GRIK1: variants seen among roughly 807,000 people sequenced by gnomAD.
The protein encoded by GRIK1 is glutamate receptor ionotropic, kainate 1.
Under a neutral mutation model 105.7 loss-of-function variants are expected in GRIK1, and 69 were observed. The observed-to-expected ratio is 0.65, with a 90% CI of 0.54 to 0.80. The LOEUF (loss-of-function observed/expected upper bound fraction) is 0.80. Ranked by LOEUF, GRIK1 falls within the 30% of genes least tolerant of loss-of-function variation. The pLI, the probability that GRIK1 is intolerant of heterozygous loss-of-function variation, is 0.00. For missense variants in GRIK1, 1,109 were observed against 1,167.3 expected (o/e 0.95, Z 0.73); for synonymous variants, 438 against 431.3 (o/e 1.02, Z -0.19).
In GRIK1 at chr21:29,898,188, A is replaced by T. The variant is rs557425319; in HGVS notation, c.118+41195T>A. 2.0e-5 allele frequency among the ~76,000 whole-genome samples: 3 copies of T among 152,326 alleles called. No individual in the cohort carries two copies. The South Asian group carries it at 6.2e-4, about 32-fold the overall frequency. On this transcript the variant is annotated intron_variant, in intron 1 of 17. Transcript: ENST00000327783. Reference sequence around the variant, plus strand: ...TAAAGACCTAATTATACTTTAAATTACTTGTTTCTGCAGCAGATACCTTTA... The same window carrying T: ...TAAAGACCTAATTATACTTTAAATTTCTTGTTTCTGCAGCAGATACCTTTA...
Position 29,918,517 on chromosome 21 carries a change from G to A in GRIK1, c.118+20866C>T, listed in dbSNP as rs376681645. Among the ~76,000 whole-genome samples the A allele has an allele frequency of 1.5e-4, 23 of 152,114 alleles. No individual in the cohort carries two copies. In the East Asian group the frequency reaches 1.9e-3, roughly 13 times the overall value. On this transcript the variant is annotated intron_variant, in intron 1 of 17. Transcript: ENST00000327783. ...CTCTTGAATATTTCAATATTCACCA[G>A]TATATGTTATATCTCCTTTATCTAA...
At chr21:29,672,534 T>C (rs1051281320) in intron 4 of GRIK1, among the ~76,000 whole-genome samples, 1 of 152,248 alleles carries the variant, frequency 6.6e-6, no homozygotes, top group Non-Finnish European at 1.5e-5. Flanking sequence ...TAACTGTCCC[T>C]GTATACCTTT....
intron 3 of GRIK1, among the ~76,000 whole-genome samples, chr21:29,686,382 G>C (rs928079692): frequency 2.0e-5 from 3 of 152,152 alleles, no homozygotes; most frequent in Admixed American, 6.5e-5. Flanking sequence ...GGACTGACAC[G>C]TATTGATGAG....
rs1456405462 is a variant in GRIK1 at position 29,716,252 on chromosome 21, A to T, written c.119-22189T>A. Reference sequence around the variant, plus strand: ...TCAGGTATTTCTTCATGGCAGCATGAGAATGAATTAATGCAGTAAACTTGT... The same window carrying T: ...TCAGGTATTTCTTCATGGCAGCATGTGAATGAATTAATGCAGTAAACTTGT... On this transcript the variant is annotated intron_variant, in intron 1 of 17. Transcript: ENST00000327783. 2.0e-5 allele frequency among the ~76,000 whole-genome samples: 3 copies of T among 152,176 alleles called. No individual in the cohort carries two copies. The East Asian group carries it at 5.8e-4, about 29-fold the overall frequency.
chr21:29,883,903 C>T (rs967294798), intron 1 of GRIK1, among the ~76,000 whole-genome samples: 3 of 152,028 alleles, frequency 2.0e-5, no homozygotes, highest in Admixed American at 2.0e-4. Context: ...GAAAACCAAT[C>T]AAAGAAAACC....
chr21:29,719,312 G>T (rs1245836332), intron 1 of GRIK1, among the ~76,000 whole-genome samples: 4 of 151,312 alleles, frequency 2.6e-5, no homozygotes, highest in Non-Finnish European at 5.9e-5. Flanking sequence ...TCTATCTTCA[G>T]CTATCACCCA....
intron 1 of GRIK1, among the ~76,000 whole-genome samples, chr21:29,768,868 AG>A (rs1282350994): frequency 2.0e-5 from 3 of 152,214 alleles, no homozygotes; most frequent in Non-Finnish European, 4.4e-5. Flanking sequence ...TTCACACTCA[AG>A]TCAAATATAA....
chr21:29,548,334 A>G (rs1029898187), intron 16 of GRIK1, among the ~76,000 whole-genome samples: 6 of 152,250 alleles, frequency 3.9e-5, no homozygotes, highest in African/African-American at 1.4e-4. Context: ...AAATTCTTAG[A>G]AAATTTGATT....
intron 8 of GRIK1, 125 bp downstream of exon 8, chr21:29,598,705 A>G (rs1044149944): frequency 9.4e-6 from 5 of 530,406 alleles, no homozygotes; most frequent in South Asian, 3.1e-5. Flanking sequence ...GAGATAAAAA[A>G]CTGGATGTAA....
intron 1 of GRIK1, among the ~76,000 whole-genome samples, chr21:29,870,580 A>G (rs2068973563): frequency 6.6e-6 from 1 of 151,900 alleles, no homozygotes; most frequent in Admixed American, 6.6e-5. Context: ...AAAATACGCC[A>G]TTTCATTGTA....
chr21:29,716,441 A>G (rs2064179519), intron 1 of GRIK1, among the ~76,000 whole-genome samples: 1 of 152,140 alleles, frequency 6.6e-6, no homozygotes, highest in Admixed American at 6.5e-5. Flanking sequence ...CAGAGACAGG[A>G]GGATGTGGGA....
chr21:29,589,106 C>A, intron 10 of GRIK1, 64 bp from the exon 11 acceptor site: 1 of 872,558 alleles, frequency 1.1e-6, no homozygotes, highest in Non-Finnish European at 1.9e-6. Context: ...ACCCTATCAG[C>A]AGCTTGAAGA....
intron 1 of GRIK1, among the ~76,000 whole-genome samples, chr21:29,929,309 G>T (rs200727656): frequency 3.9e-5 from 6 of 152,130 alleles, no homozygotes; most frequent in Admixed American, 3.3e-4. Context: ...TAATAATCGA[G>T]AATCTACAAA....
At chr21:29,538,111 T>C (rs944966550) in intron 16 of GRIK1, among the ~76,000 whole-genome samples, 1 of 152,018 alleles carries the variant, frequency 6.6e-6, no homozygotes, top group African/African-American at 2.4e-5. Flanking sequence ...ATTGCAATTA[T>C]GCTATATCTG....
At chr21:29,767,863 CAT>C (rs1491238578) in intron 1 of GRIK1, among the ~76,000 whole-genome samples, 27 of 91,572 alleles carry the variant, frequency 2.9e-4, no homozygotes, top group African/African-American at 1.0e-3. Context: ...AGCTGAAATT[CAT>C]GTGTGTGTGT....
intron 1 of GRIK1, among the ~76,000 whole-genome samples, chr21:29,785,929 G>C (rs551744968): frequency 6.6e-6 from 1 of 152,276 alleles, no homozygotes; most frequent in Non-Finnish European, 1.5e-5. Context: ...GCTGGACTGT[G>C]GCAGCATTAC....
At chr21:29,921,371 T>C (rs1344647241) in intron 1 of GRIK1, among the ~76,000 whole-genome samples, 3 of 152,206 alleles carry the variant, frequency 2.0e-5, no homozygotes, top group African/African-American at 4.8e-5. Flanking sequence ...ATGTTAGTCC[T>C]CATTGCAAGG....
At position 29,693,939 on chromosome 21, in the gene GRIK1, G is replaced by C; in HGVS notation, c.243C>G (p.Ile81Met). 6.2e-7 allele frequency: 1 copy of C among 1,613,230 alleles called. No individual in the cohort carries two copies. The highest frequency in any genetic ancestry group is 1.1e-5 in the South Asian group (1 of 91,044). The change falls in exon 2 of 18, where the codon ATC becomes ATG. Residue 81 changes from isoleucine to methionine, a missense_variant. Transcript: ENST00000327783. ...LMPNTTLTYD[I>M]QRINLFDSFE... ...AACTATCAAAAAGGTTAATTCTCTG[G>C]ATGTCATAGGTTAATGTGGTGTTAG...
intron 1 of GRIK1, among the ~76,000 whole-genome samples, chr21:29,857,993 A>G (rs1051565581): frequency 2.0e-5 from 3 of 152,154 alleles, no homozygotes; most frequent in African/African-American, 7.2e-5. Flanking sequence ...TCCGCCTCCC[A>G]GGCTCAAGCA....
Sources: gnomAD v4.1 joint callset for allele counts (sites outside exome capture counted in the v4.1 genomes callset) on GRCh38, gnomAD v4.1.1 for gene constraint, MANE v1.5 for transcripts, NCBI Gene and HGNC (gene_info 2026-07-23, HGNC 2026-07-21) for gene names.